Variants in FLRT1 observed in about 807,000 individuals in gnomAD.
FLRT1 encodes fibronectin leucine rich transmembrane protein 1.
A neutral mutation model predicts 30.9 loss-of-function variants in FLRT1; 14 were observed. The observed-to-expected ratio is 0.45, with a 90% CI of 0.30 to 0.71. The LOEUF (loss-of-function observed/expected upper bound fraction) is 0.71, where lower values mean the gene tolerates loss of function less well. Among genes scored for constraint, FLRT1 ranks in the 30% least tolerant of loss-of-function variants. The pLI is 0.08. For synonymous variants in FLRT1, 368 were observed against 430.4 expected (o/e 0.85, Z 1.80); for missense variants, 737 against 949.2 (o/e 0.78, Z 2.94).
chr11:64,058,405 G>A (rs531679025), intron 1 of FLRT1, among the ~76,000 whole-genome samples: 3 of 144,826 alleles, frequency 2.1e-5, no homozygotes, highest in Admixed American at 2.0e-4. Context: ...GGAGGGCTTG[G>A]GGGGGGGTCC....
chr11:64,104,170 G>C lies in FLRT1; in HGVS notation c.-61G>C, dbSNP rs543795836. ...CAAACCCAGAGGGTCTTGGGCGGCAGCGACGAAGGAGGTAAGGCCCAAGGA... is the reference window on the plus strand; with the variant it reads ...CAAACCCAGAGGGTCTTGGGCGGCACCGACGAAGGAGGTAAGGCCCAAGGA... On this transcript the variant is annotated 5_prime_UTR_variant, in exon 2 of 3. Transcript: ENST00000682287. 2.0e-5 allele frequency: 3 copies of C among 152,502 alleles called. No individual in the cohort carries two copies. The South Asian group carries it at 6.2e-4, about 32-fold the overall frequency. The allele number at this position is 152,502 out of a possible 1,614,324, so 9.4% of individuals were successfully genotyped here.
At chr11:64,080,803 C>T (rs1240126692) in intron 1 of FLRT1, among the ~76,000 whole-genome samples, 5 of 152,068 alleles carry the variant, frequency 3.3e-5, no homozygotes, top group South Asian at 4.2e-4. Flanking sequence ...GCAGTGTCCT[C>T]GGGCTCAGTG....
intron 1 of FLRT1, chr11:64,087,151 G>A (rs1039156433): frequency 2.0e-5 from 3 of 152,216 alleles, no homozygotes; most frequent in African/African-American, 7.2e-5. Context: ...GGGCCACAGA[G>A]GCATTAAAAT....
chr11:64,041,199 TAAAAAAAAAAAAAAA>T lies in FLRT1; in HGVS notation c.-1038+5056_-1038+5070del, dbSNP rs71045724. Among the ~76,000 whole-genome samples, 8 of 21,600 alleles carry T rather than the reference TAAAAAAAAAAAAAAA, an allele frequency of 3.7e-4. No individual in the cohort carries two copies. The East Asian group carries it at 6.1e-3, about 17-fold the overall frequency. The allele number at this position is 21,600 out of a possible 152,430, so 14.2% of individuals were successfully genotyped here. The stretch of plus-strand genomic sequence containing the variant: ...AGATTACAACAGATTTAGCAAACTG[TAAAAAAAAAAAAAAA>T]AAAAAAAAAAAAAAAGCATGAGCGA... On this transcript the variant is annotated intron_variant, in intron 1 of 2. Coordinates refer to ENST00000682287, the MANE Select transcript of FLRT1 (RefSeq NM_013280.5).
chr11:64,071,873 C>T (rs545856592), intron 1 of FLRT1, among the ~76,000 whole-genome samples: 1 of 152,184 alleles, frequency 6.6e-6, no homozygotes, highest in Admixed American at 6.5e-5. Flanking sequence ...GCAGTAGTGG[C>T]GAGAGCCCTG....
chr11:64,115,381 C>CT lies in FLRT1; in HGVS notation c.-49-825dup, dbSNP rs111536886. On this transcript the variant is annotated intron_variant, in intron 2 of 2. Transcript: ENST00000682287. ...CCTTTAAGTGCAAGAAAACAGACCACTTTTTTTTTTTTTGAATAGCTGAAA... is the reference window on the plus strand; with the variant it reads ...CCTTTAAGTGCAAGAAAACAGACCACTTTTTTTTTTTTTTGAATAGCTGAAA... 3.3e-3 allele frequency among the ~76,000 whole-genome samples: 486 copies of CT among 145,816 alleles called. 1 individual carries two copies. Among genetic ancestry groups the CT allele is most frequent in the South Asian group, 0.027 (126 of 4,624 alleles).
At position 64,079,542 on chromosome 11, in the gene FLRT1, G is replaced by A. The variant is rs529103678; in HGVS notation, c.-1037-23652G>A. On this transcript the variant is annotated intron_variant, in intron 1 of 2. Transcript: ENST00000682287. ...CCAGCAAATGCAAAGGCTTGGAGGTGAGAGAGACCGCAGCCGCCACGGGCA... is the reference window on the plus strand; with the variant it reads ...CCAGCAAATGCAAAGGCTTGGAGGTAAGAGAGACCGCAGCCGCCACGGGCA... 1.8e-4 allele frequency among the ~76,000 whole-genome samples: 27 copies of A among 152,306 alleles called. No homozygotes were observed. In the South Asian group the frequency reaches 5.4e-3, roughly 30 times the overall value.
rs909165845 is a variant in FLRT1 at position 64,097,638 on chromosome 11, G to A, written c.-1037-5556G>A. Among the ~76,000 whole-genome samples the A allele has an allele frequency of 6.6e-5, 10 of 152,372 alleles. No homozygotes were observed. In the East Asian group the frequency reaches 9.6e-4, roughly 15 times the overall value. On this transcript the variant is annotated intron_variant, in intron 1 of 2. Coordinates refer to ENST00000682287, the MANE Select transcript of FLRT1 (RefSeq NM_013280.5). The stretch of plus-strand genomic sequence containing the variant: ...CAGGAGATGGTTTAATTAGCAGAGC[G>A]GAGGCTGGGAGGGTTCGCACCACAC...
chr11:64,093,853 TTCCTCCATTAATACA>T (rs1162003052), intron 1 of FLRT1, among the ~76,000 whole-genome samples: 1 of 152,204 alleles, frequency 6.6e-6, no homozygotes, highest in Admixed American at 6.5e-5. Context: ...ATACCATTGA[TTCCTCCATTAATACA>T]GCCTGTGCAG....
chr11:64,044,438 A>G (rs1943546730), intron 1 of FLRT1, among the ~76,000 whole-genome samples: 1 of 152,074 alleles, frequency 6.6e-6, no homozygotes, highest in African/African-American at 2.4e-5. Flanking sequence ...TGGCAGAGAC[A>G]GGGTTTCCTT....
chr11:64,065,560 T>A (rs573693660), intron 1 of FLRT1, among the ~76,000 whole-genome samples: 1 of 151,716 alleles, frequency 6.6e-6, no homozygotes, highest in Non-Finnish European at 1.5e-5. Flanking sequence ...GAGGCCAAGG[T>A]GGGCGAATCA....
intron 1 of FLRT1, among the ~76,000 whole-genome samples, chr11:64,076,469 GACGA>G (rs1944203957): frequency 6.6e-6 from 1 of 152,112 alleles, no homozygotes; most frequent in African/African-American, 2.4e-5. Context: ...TGGACGGACG[GACGA>G]ATGGATGGAT....
intron 1 of FLRT1, among the ~76,000 whole-genome samples, chr11:64,093,628 C>T (rs1253396234): frequency 6.6e-6 from 1 of 152,250 alleles, no homozygotes; most frequent in Non-Finnish European, 1.5e-5. Context: ...GGTCTTCCTT[C>T]TCTGCTGAAG....
intron 1 of FLRT1, among the ~76,000 whole-genome samples, chr11:64,068,690 C>T (rs1197837787): frequency 6.6e-6 from 1 of 152,232 alleles, no homozygotes; most frequent in Non-Finnish European, 1.5e-5. Flanking sequence ...CCTGATCTCA[C>T]GTGTCTGTCT....
chr11:64,084,341 A>G (rs898278222), intron 1 of FLRT1, among the ~76,000 whole-genome samples: 1 of 152,096 alleles, frequency 6.6e-6, no homozygotes, highest in Non-Finnish European at 1.5e-5. Flanking sequence ...CCCAGCCTCG[A>G]GGAGCCCCTG....
At chr11:64,101,451 C>T (rs1287437481) in intron 1 of FLRT1, among the ~76,000 whole-genome samples, 1 of 152,116 alleles carries the variant, frequency 6.6e-6, no homozygotes, top group Non-Finnish European at 1.5e-5. Flanking sequence ...CGGGAGGCAG[C>T]GGCCACAGCT....
intron 1 of FLRT1, among the ~76,000 whole-genome samples, chr11:64,061,053 A>G (rs1943893259): frequency 1.3e-5 from 2 of 152,066 alleles, no homozygotes; most frequent in Admixed American, 1.3e-4. Context: ...TCTTGATGGA[A>G]AGGGCTTGGC....
At chr11:64,062,986 A>T (rs1244375639) in intron 1 of FLRT1, among the ~76,000 whole-genome samples, 1 of 152,200 alleles carries the variant, frequency 6.6e-6, no homozygotes, top group Non-Finnish European at 1.5e-5. Context: ...CTGCAAGGGG[A>T]CAGGGCTCCC....
chr11:64,039,988 C>A (rs1943454491), intron 1 of FLRT1, among the ~76,000 whole-genome samples: 1 of 152,228 alleles, frequency 6.6e-6, no homozygotes, highest in Non-Finnish European at 1.5e-5. Context: ...CCTGGCTCTT[C>A]TGTTTTCCCT....
Sources: gnomAD v4.1 joint callset for allele counts (sites outside exome capture counted in the v4.1 genomes callset) on GRCh38, gnomAD v4.1.1 for gene constraint, MANE v1.5 for transcripts, NCBI Gene and HGNC (gene_info 2026-07-23, HGNC 2026-07-21) for gene names.